INTU: variants seen among roughly 807,000 people sequenced by gnomAD.
The protein encoded by INTU is protein inturned.
Under a neutral mutation model 100.5 loss-of-function variants are expected in INTU, and 68 were observed. The ratio of observed to expected loss-of-function variants is 0.68; its 90% CI spans 0.56 to 0.83. The LOEUF is 0.83. Ranked by LOEUF, INTU falls within the 40% of genes least tolerant of loss-of-function variation. The pLI is 0.00. For missense variants in INTU, 1,071 were observed against 1,114.7 expected (o/e 0.96, Z 0.56); for synonymous variants, 357 against 395.7 (o/e 0.90, Z 1.16).
At chr4:127,704,452 C>A (rs1730787497) in intron 10 of INTU, among the ~76,000 whole-genome samples, 162 bp downstream of exon 10, 1 of 152,134 alleles carries the variant, frequency 6.6e-6, no homozygotes, top group Admixed American at 6.6e-5. Context: ...CTTGCTCTGC[C>A]ACCTAGGCTG....
At chr4:127,686,426 A>T (rs923674883) in intron 7 of INTU, 1 of 152,312 alleles carries the variant, frequency 6.6e-6, no homozygotes, top group African/African-American at 2.4e-5. Flanking sequence ...ATTTTCATAT[A>T]GCAGCGTGAT....
At chr4:127,679,817 T>C (rs1729431037) in intron 6 of INTU, among the ~76,000 whole-genome samples, 1 of 152,054 alleles carries the variant, frequency 6.6e-6, no homozygotes, top group Admixed American at 6.5e-5. Context: ...ATCCAGGAGC[T>C]GGTTTTTTGA....
In INTU at chr4:127,708,585, G is replaced by A. The variant is rs776075108; in HGVS notation, c.2286G>A (p.Lys762=). 1 of 1,586,194 alleles carries A rather than the reference G, an allele frequency of 6.3e-7. No individual in the cohort carries two copies. The highest frequency in any genetic ancestry group is 8.6e-7 in the Non-Finnish European group (1 of 1,159,526). Residue 762 remains lysine (K), a synonymous_variant, in exon 13 of 16, where the codon AAG becomes AAA. Transcript: ENST00000335251. ...SGTLLKVTKK[K]STLPNPFHLG... ...ATATTTTTCAGGTCACTAAAAAGAA[G>A]TCTACTCTTCCAAATCCATTTCATT...
chr4:127,634,537 G>C (rs1231111958), intron 1 of INTU, among the ~76,000 whole-genome samples: 1 of 152,254 alleles, frequency 6.6e-6, no homozygotes, highest in East Asian at 1.9e-4. Flanking sequence ...ACCAATCTGA[G>C]GACCTTGTGA....
intron 6 of INTU, among the ~76,000 whole-genome samples, chr4:127,679,683 A>G (rs537070605): frequency 6.6e-6 from 1 of 152,160 alleles, no homozygotes; most frequent in African/African-American, 2.4e-5. Context: ...CTAACATCAC[A>G]ATTAAAAGAA....
chr4:127,682,143 T>G (rs148351904), intron 6 of INTU, among the ~76,000 whole-genome samples: 5,763 of 152,116 alleles, frequency 0.038, 380 homozygotes, highest in African/African-American at 0.13. Flanking sequence ...GAAACACTTT[T>G]ACACTGTTGG....
At chr4:127,684,847 T>C (rs1355215349) in intron 7 of INTU, among the ~76,000 whole-genome samples, 2 of 152,060 alleles carry the variant, frequency 1.3e-5, no homozygotes, top group Non-Finnish European at 2.9e-5. Flanking sequence ...CTTAGTGAAT[T>C]AGTGATATAA....
At chr4:127,650,605 T>G (rs1393635541) in intron 2 of INTU, among the ~76,000 whole-genome samples, 4 of 152,176 alleles carry the variant, frequency 2.6e-5, no homozygotes, top group Admixed American at 6.5e-5. Flanking sequence ...CACATTTTCT[T>G]AATCCAGTCT....
At chr4:127,708,526 T>G in intron 12 of INTU, 45 bp from the exon 13 acceptor site, 1 of 996,760 alleles carries the variant, frequency 1.0e-6, no homozygotes. Context: ...TGCTATATGA[T>G]TCCATTCTTA....
At chr4:127,710,431 C>T (rs757496011) in intron 13 of INTU, among the ~76,000 whole-genome samples, 3 of 152,052 alleles carry the variant, frequency 2.0e-5, no homozygotes, top group Non-Finnish European at 2.9e-5. Context: ...TCTTGAGGAA[C>T]ATCAGTTTGA....
At chr4:127,673,673 T>C (rs1048970468) in intron 5 of INTU, among the ~76,000 whole-genome samples, 1 of 151,436 alleles carries the variant, frequency 6.6e-6, no homozygotes, top group East Asian at 2.0e-4. Flanking sequence ...CTTGGCTCAC[T>C]GCAACCTCCG....
chr4:127,719,594 T>C lies in INTU; in HGVS notation c.*3158T>C, dbSNP rs922879068. 6.6e-6 allele frequency: 1 copy of C among 152,206 alleles called. No individual in the cohort carries two copies. The highest frequency in any genetic ancestry group is 1.5e-5 in the Non-Finnish European group (1 of 68,032). 9.4% of individuals were successfully genotyped at this position (152,206 alleles called of 1,614,324 possible). On this transcript the variant is annotated 3_prime_UTR_variant, in exon 16 of 16. Coordinates refer to ENST00000335251, the MANE Select transcript of INTU (RefSeq NM_015693.4). Reference sequence around the variant, plus strand: ...TTTTGTATTTCTGGCAGAATTCAGCTGTAGATCCATCTGGTCCTGGGCTTT... The same window carrying C: ...TTTTGTATTTCTGGCAGAATTCAGCCGTAGATCCATCTGGTCCTGGGCTTT...
At chr4:127,684,619 C>T (rs539222055) in intron 7 of INTU, 133 bp downstream of exon 7, 77 of 522,806 alleles carry the variant, frequency 1.5e-4, no homozygotes, top group Non-Finnish European at 2.4e-4. Flanking sequence ...TTTCCTCCTC[C>T]TCTTCCTTCC....
intron 5 of INTU, 41 bp downstream of exon 5, chr4:127,669,195 T>C: frequency 1.1e-6 from 1 of 925,064 alleles, no homozygotes; most frequent in Non-Finnish European, 1.7e-6. Flanking sequence ...TTTTTTCAAG[T>C]TCTTTTATTT....
chr4:127,704,608 A>G (rs1017208818), intron 10 of INTU, among the ~76,000 whole-genome samples: 2 of 152,142 alleles, frequency 1.3e-5, no homozygotes, highest in Non-Finnish European at 2.9e-5. Context: ...TTAAGACCTT[A>G]AAACAAGATT....
At chr4:127,689,155 G>C (rs1403578764) in intron 8 of INTU, among the ~76,000 whole-genome samples, 2 of 150,834 alleles carry the variant, frequency 1.3e-5, no homozygotes, top group Non-Finnish European at 3.0e-5. Flanking sequence ...GCTAATTTTT[G>C]TATTTTTAAG....
chr4:127,679,479 T>C (rs1729409854), intron 6 of INTU, among the ~76,000 whole-genome samples: 1 of 152,300 alleles, frequency 6.6e-6, no homozygotes, highest in African/African-American at 2.4e-5. Flanking sequence ...GCATGGAAAC[T>C]GATCAACCTC....
At chr4:127,703,719 A>ACAAATAATC (rs1041178677) in intron 9 of INTU, among the ~76,000 whole-genome samples, 8 of 152,080 alleles carry the variant, frequency 5.3e-5, no homozygotes, top group African/African-American at 1.9e-4. Flanking sequence ...TTTCCATATT[A>ACAAATAATC]CAAATAATCC....
intron 3 of INTU, among the ~76,000 whole-genome samples, chr4:127,657,204 C>T (rs1207960843): frequency 6.6e-6 from 1 of 151,736 alleles, no homozygotes; most frequent in African/African-American, 2.4e-5. Flanking sequence ...TGTTTGGCTA[C>T]TTAAGGAATT....
Sources: allele counts gnomAD v4.1 joint callset (sites outside exome capture counted in the v4.1 genomes callset), GRCh38; gene constraint gnomAD v4.1.1; transcripts MANE v1.5; gene names NCBI Gene and HGNC (gene_info 2026-07-23, HGNC 2026-07-21).